SYNPR: variants seen among roughly 807,000 people sequenced by gnomAD.
SYNPR encodes the protein synaptoporin.
A neutral mutation model predicts 32.9 loss-of-function variants in SYNPR; 23 were observed. That is an observed-to-expected ratio of 0.70 (90% CI 0.50 to 0.99). The LOEUF (loss-of-function observed/expected upper bound fraction) is 0.99, where lower values mean the gene tolerates loss of function less well. Among genes scored for constraint, SYNPR ranks in the 50% least tolerant of loss-of-function variants. The pLI is 0.00. For missense variants in SYNPR, 318 were observed against 349.3 expected (o/e 0.91, Z 0.71); for synonymous variants, 146 against 135.9 (o/e 1.07, Z -0.52).
At chr3:63,310,961 G>T (rs148235760) in intron 2 of SYNPR, among the ~76,000 whole-genome samples, 4 of 151,820 alleles carry the variant, frequency 2.6e-5, no homozygotes, top group Admixed American at 6.6e-5. Context: ...CTCTCAGTGT[G>T]TCCTGTTAAC....
intron 4 of SYNPR, among the ~76,000 whole-genome samples, chr3:63,572,995 G>A (rs1702915683): frequency 6.6e-6 from 1 of 152,050 alleles, no homozygotes; most frequent in South Asian, 2.1e-4. Context: ...CTATTCTGCT[G>A]GGTTTTGTGT....
chr3:63,350,529 T>C (rs539872845), intron 2 of SYNPR, among the ~76,000 whole-genome samples: 16 of 152,352 alleles, frequency 1.1e-4, no homozygotes, highest in African/African-American at 3.6e-4. Context: ...GTGTAGTGTG[T>C]GTGTGCGTGC....
intron 2 of SYNPR, among the ~76,000 whole-genome samples, chr3:63,371,844 G>A (rs969658761): frequency 6.6e-5 from 10 of 152,204 alleles, no homozygotes; most frequent in South Asian, 6.2e-4. Flanking sequence ...CCCACAGCCC[G>A]TCTGCCACTG....
chr3:63,567,918 T>G (rs1702820374), intron 4 of SYNPR, among the ~76,000 whole-genome samples: 1 of 152,240 alleles, frequency 6.6e-6, no homozygotes, highest in Non-Finnish European at 1.5e-5. Context: ...TTATATGCTA[T>G]CTCAAGAAAT....
chr3:63,570,754 T>C lies in SYNPR; in HGVS notation c.408+14013T>C, dbSNP rs556109987. On this transcript the variant is annotated intron_variant, in intron 4 of 5. Transcript: ENST00000478300. ...GCAAATCCATTATTACCTTGCACTT[T>C]CATTGGATGTGGTTTTGTCTGATCC... Among the ~76,000 whole-genome samples, 5 of 152,220 alleles carry C rather than the reference T, an allele frequency of 3.3e-5. No homozygotes were observed. In the East Asian group the frequency reaches 7.7e-4, roughly 23 times the overall value.
At chr3:63,206,612 T>C in the SYNPR span, among the ~76,000 whole-genome samples, 1 of 152,218 alleles carries the variant, frequency 6.6e-6, no homozygotes, top group East Asian at 1.9e-4. Context: ...TTTTATGTGA[T>C]TCATTCTATT....
intron 4 of SYNPR, among the ~76,000 whole-genome samples, chr3:63,572,346 A>G (rs1702901598): frequency 3.3e-5 from 5 of 151,870 alleles, no homozygotes; most frequent in South Asian, 2.1e-4. Context: ...TCTCTGAACT[A>G]TCTCTTTTGC....
At chr3:63,503,096 A>G (rs1701514378) in intron 3 of SYNPR, among the ~76,000 whole-genome samples, 1 of 152,146 alleles carries the variant, frequency 6.6e-6, no homozygotes. Flanking sequence ...CCCACCAGAA[A>G]TAAACATTTG....
chr3:63,615,940 T>A lies in SYNPR; in HGVS notation c.*459T>A, dbSNP rs1241828137. On this transcript the variant is annotated 3_prime_UTR_variant, in exon 6 of 6. Transcript: ENST00000478300. ...TTTTTAGTTTTAAGTCCTATAGGAC[T>A]ATGAGTCTCTAAGTTATTTGTTTCA... 3 of 152,716 alleles carry A rather than the reference T, an allele frequency of 2.0e-5. No individual in the cohort carries two copies. Among genetic ancestry groups the A allele is most frequent in the Admixed American group, 1.3e-4 (2 of 15,326 alleles). The allele number at this position is 152,716 out of a possible 1,614,324, so 9.5% of individuals were successfully genotyped here. A position where few individuals can be genotyped will look rare whatever the true frequency, so the allele number is the denominator to read the frequency against.
At chr3:63,539,552 G>C (rs1702264204) in intron 3 of SYNPR, among the ~76,000 whole-genome samples, 1 of 152,100 alleles carries the variant, frequency 6.6e-6, no homozygotes, top group Non-Finnish European at 1.5e-5. Context: ...AGCCACAAAA[G>C]AAGGGTATGG....
At chr3:63,478,219 T>G (rs1700974153) in intron 2 of SYNPR, among the ~76,000 whole-genome samples, 1 of 152,224 alleles carries the variant, frequency 6.6e-6, no homozygotes, top group African/African-American at 2.4e-5. Context: ...CATTCCTTCT[T>G]AAGTTTATTA....
chr3:63,412,164 C>T (rs2088475019), intron 2 of SYNPR, among the ~76,000 whole-genome samples: 4 of 151,984 alleles, frequency 2.6e-5, no homozygotes, highest in Admixed American at 2.6e-4. Flanking sequence ...GATACAAGGA[C>T]CACTGGAAGA....
chr3:63,409,586 A>T (rs13433986), intron 2 of SYNPR, among the ~76,000 whole-genome samples: 82 of 151,772 alleles, frequency 5.4e-4, no homozygotes, highest in Non-Finnish European at 1.0e-3. Flanking sequence ...AAATTCACAC[A>T]CTCCTTATAT....
intron 3 of SYNPR, among the ~76,000 whole-genome samples, chr3:63,494,470 C>CACAT (rs1559516456): frequency 0.1 from 9,277 of 88,602 alleles, 1,161 homozygotes; most frequent in East Asian, 0.16. Context: ...CATATATACA[C>CACAT]ATATATACAT....
At chr3:63,419,930 C>G (rs2088586146) in intron 2 of SYNPR, among the ~76,000 whole-genome samples, 1 of 152,156 alleles carries the variant, frequency 6.6e-6, no homozygotes. Context: ...AGTTTTTTCA[C>G]ATTATAACTT....
At chr3:63,395,031 C>T (rs559091068) in intron 2 of SYNPR, among the ~76,000 whole-genome samples, 4 of 152,244 alleles carry the variant, frequency 2.6e-5, no homozygotes, top group Admixed American at 6.5e-5. Context: ...CCTTAACTCA[C>T]ACAGGGTAGA....
At chr3:63,272,574 A>G (rs2086545814) in intron 3 of SYNPR, among the ~76,000 whole-genome samples, 1 of 151,502 alleles carries the variant, frequency 6.6e-6, no homozygotes, top group South Asian at 2.1e-4. Flanking sequence ...CTTGAAAGTA[A>G]CACTTGTTTT....
rs570695773 is a variant in SYNPR, at chr3:63,418,655, C to T, written c.85-62177C>T. Among the ~76,000 whole-genome samples the T allele has an allele frequency of 7.2e-5, 11 of 152,320 alleles. 1 individual carries two copies. Among genetic ancestry groups the T allele is most frequent in the Middle Eastern group, 6.8e-3 (2 of 294 alleles). On this transcript the variant is annotated intron_variant, in intron 2 of 5. Transcript: ENST00000478300. ...GTGGAAAACAAAGAGGAACAAGCCA[C>T]GTCTTACACAACATGGCAGCAGGCA...
intron 2 of SYNPR, among the ~76,000 whole-genome samples, chr3:63,451,503 C>G (rs1700379398): frequency 6.6e-6 from 1 of 152,166 alleles, no homozygotes; most frequent in Admixed American, 6.5e-5. Context: ...ATTAGCTCAT[C>G]TTAGTAGTGC....
Sources: allele counts gnomAD v4.1 joint callset (sites outside exome capture counted in the v4.1 genomes callset), GRCh38; gene constraint gnomAD v4.1.1; transcripts MANE v1.5; gene names NCBI Gene and HGNC (gene_info 2026-07-23, HGNC 2026-07-21).